The following CDH12 variants were observed in gnomAD, a reference collection of about 807,000 sequenced individuals.
The protein encoded by CDH12 is cadherin 12, also known as cadherin-12.
Under a neutral mutation model 74.1 loss-of-function variants are expected in CDH12, and 41 were observed. The ratio of observed to expected loss-of-function variants is 0.55; its 90% confidence interval spans 0.43 to 0.72. The LOEUF (loss-of-function observed/expected upper bound fraction) is 0.72. Ranked by LOEUF, CDH12 falls within the 30% of genes least tolerant of loss-of-function variation. The probability of loss-of-function intolerance (pLI) is 0.00; values close to 1 mark genes in which losing one functional copy is unlikely to be tolerated. For synonymous variants in CDH12, 399 were observed against 355.0 expected (o/e 1.12, Z -1.39); for missense variants, 945 against 977.2 (o/e 0.97, Z 0.44).
At chr5:22,258,367 G>T (rs1238866805) in intron 3 of CDH12, among the ~76,000 whole-genome samples, 1 of 151,972 alleles carries the variant, frequency 6.6e-6, no homozygotes, top group Non-Finnish European at 1.5e-5. Flanking sequence ...GATGCTCTGT[G>T]GAGTTCAGAG....
At chr5:22,409,009 A>T (rs1225169273) in intron 2 of CDH12, among the ~76,000 whole-genome samples, 1 of 152,074 alleles carries the variant, frequency 6.6e-6, no homozygotes, top group Non-Finnish European at 1.5e-5. Context: ...TAGAATATTT[A>T]TATTAGTATC....
chr5:21,788,145 T>C (rs1241791624), intron 10 of CDH12, among the ~76,000 whole-genome samples: 1 of 152,176 alleles, frequency 6.6e-6, no homozygotes, highest in East Asian at 1.9e-4. Context: ...GGAAGACATG[T>C]ATAAACAGAC....
At chr5:22,465,362 A>T (rs1413126235) in intron 2 of CDH12, among the ~76,000 whole-genome samples, 1 of 152,102 alleles carries the variant, frequency 6.6e-6, no homozygotes, top group African/African-American at 2.4e-5. Context: ...TCCTAATCAA[A>T]CATGTCACAG....
intron 1 of CDH12, among the ~76,000 whole-genome samples, chr5:22,700,112 A>G (rs933606043): frequency 6.6e-6 from 1 of 152,108 alleles, no homozygotes; most frequent in Non-Finnish European, 1.5e-5. Context: ...GGTTGCAATG[A>G]GCCGAGATTG....
At chr5:22,145,349 A>C (rs1010632892) in intron 4 of CDH12, among the ~76,000 whole-genome samples, 1 of 152,044 alleles carries the variant, frequency 6.6e-6, no homozygotes, top group Admixed American at 6.6e-5. Flanking sequence ...CCTTTTTATG[A>C]GGCCTTTGTT....
chr5:22,529,726 T>C (rs1737502391), intron 1 of CDH12, among the ~76,000 whole-genome samples: 1 of 152,174 alleles, frequency 6.6e-6, no homozygotes, highest in Non-Finnish European at 1.5e-5. Context: ...ATCACAGTCC[T>C]CTTTAGACTG....
At chr5:22,267,845 C>T (rs1736206282) in intron 3 of CDH12, among the ~76,000 whole-genome samples, 1 of 152,118 alleles carries the variant, frequency 6.6e-6, no homozygotes, top group African/African-American at 2.4e-5. Flanking sequence ...AAGAAAAATA[C>T]AGAAAATAGA....
chr5:22,235,578 C>CA (rs59858757), intron 3 of CDH12, among the ~76,000 whole-genome samples: 9 of 147,478 alleles, frequency 6.1e-5, no homozygotes, highest in African/African-American at 1.2e-4. Context: ...GAGACTGTTT[C>CA]AAAAAAAAAA....
At chr5:21,839,543 T>C (rs1461605672) in intron 8 of CDH12, among the ~76,000 whole-genome samples, 1 of 152,098 alleles carries the variant, frequency 6.6e-6, no homozygotes, top group African/African-American at 2.4e-5. Flanking sequence ...CCTTTAGACA[T>C]TTGGTCACTA....
At chr5:22,683,874 A>T (rs1741625861) in intron 1 of CDH12, among the ~76,000 whole-genome samples, 1 of 152,220 alleles carries the variant, frequency 6.6e-6, no homozygotes, top group Admixed American at 6.5e-5. Flanking sequence ...ACATCACAAG[A>T]AGTAACCTTG....
chr5:22,803,827 C>T (rs942466868), intron 1 of CDH12, among the ~76,000 whole-genome samples: 4 of 152,068 alleles, frequency 2.6e-5, no homozygotes, highest in East Asian at 3.9e-4. Flanking sequence ...TGTATGGTAT[C>T]GTGACATCAA....
intron 1 of CDH12, among the ~76,000 whole-genome samples, chr5:22,603,082 T>G (rs547288920): frequency 6.6e-6 from 1 of 152,086 alleles, no homozygotes; most frequent in Non-Finnish European, 1.5e-5. Context: ...TGTCTGCCCA[T>G]GAATTAAAGG....
chr5:21,942,347 T>TATATATATATACACAC (rs1225173229), intron 6 of CDH12, among the ~76,000 whole-genome samples: 2 of 129,674 alleles, frequency 1.5e-5, no homozygotes, highest in African/African-American at 6.4e-5. Flanking sequence ...TATATATATA[T>TATATATATATACACAC]ACACACACAC....
intron 1 of CDH12, among the ~76,000 whole-genome samples, chr5:22,525,558 G>T (rs1737232436): frequency 6.6e-6 from 1 of 151,762 alleles, no homozygotes; most frequent in African/African-American, 2.4e-5. Flanking sequence ...GGGAGGGAAT[G>T]GAATGCATTA....
chr5:22,230,759 T>A (rs1373771296), intron 3 of CDH12, among the ~76,000 whole-genome samples: 5 of 151,970 alleles, frequency 3.3e-5, no homozygotes, highest in African/African-American at 1.2e-4. Flanking sequence ...GTGAGCCACC[T>A]TGCCCAGCCC....
At chr5:22,301,488 C>G (rs1737877433) in intron 3 of CDH12, among the ~76,000 whole-genome samples, 1 of 152,110 alleles carries the variant, frequency 6.6e-6, no homozygotes, top group East Asian at 1.9e-4. Context: ...TAAAAACTTG[C>G]ATTCTACAAA....
chr5:22,685,302 G>C (rs9293033), intron 1 of CDH12, among the ~76,000 whole-genome samples: 76,271 of 151,376 alleles, frequency 0.5, 19,783 homozygotes, highest in Non-Finnish European at 0.57. Context: ...CAGTGGTGCG[G>C]TCTTGGCTCA....
At chr5:21,942,196 A>G (rs1755360409) in intron 6 of CDH12, among the ~76,000 whole-genome samples, 1 of 152,092 alleles carries the variant, frequency 6.6e-6, no homozygotes, top group Non-Finnish European at 1.5e-5. Context: ...AGCAGCCTCA[A>G]GAGAGTAGAA....
chr5:22,500,091 A>G (rs887950316), intron 2 of CDH12, among the ~76,000 whole-genome samples: 21 of 152,106 alleles, frequency 1.4e-4, no homozygotes, highest in Non-Finnish European at 4.4e-5. Context: ...TGTATCATGA[A>G]CCTGATTTAA....
Sources: allele counts gnomAD v4.1 joint callset (sites outside exome capture counted in the v4.1 genomes callset), GRCh38; gene constraint gnomAD v4.1.1; transcripts MANE v1.5; gene names NCBI Gene and HGNC (gene_info 2026-07-23, HGNC 2026-07-21).